Variants in ZBTB7C observed in about 807,000 individuals in gnomAD.
The protein encoded by ZBTB7C is zinc finger and BTB domain-containing protein 7C.
A neutral mutation model predicts 25.7 loss-of-function variants in ZBTB7C; 8 were observed. The observed-to-expected ratio is 0.31, with a 90% CI of 0.18 to 0.56. The LOEUF is 0.56. Among genes scored for constraint, ZBTB7C ranks in the 20% least tolerant of loss-of-function variants. The pLI is 0.91. For synonymous variants in ZBTB7C, 394 were observed against 369.0 expected (o/e 1.07, Z -0.78); for missense variants, 824 against 855.2 (o/e 0.96, Z 0.46).
chr18:48,226,799 T>C (rs2043107191), intron 2 of ZBTB7C, among the ~76,000 whole-genome samples: 3 of 152,190 alleles, frequency 2.0e-5, no homozygotes, highest in South Asian at 4.1e-4. Context: ...GGCAGGCAGA[T>C]CATGAATTCA....
At chr18:48,256,964 G>A (rs2044038928) in intron 2 of ZBTB7C, among the ~76,000 whole-genome samples, 1 of 151,890 alleles carries the variant, frequency 6.6e-6, no homozygotes, top group Non-Finnish European at 1.5e-5. Flanking sequence ...TAAGAGGTGA[G>A]ATGAATAGAA....
intron 3 of ZBTB7C, among the ~76,000 whole-genome samples, chr18:48,069,905 C>T (rs941268477): frequency 1.2e-4 from 18 of 152,096 alleles, no homozygotes; most frequent in Non-Finnish European, 2.1e-4. Flanking sequence ...TCAGGCCTGG[C>T]CCCTGGAGCG....
intron 1 of ZBTB7C, chr18:48,408,478 T>C: frequency 6.6e-6 from 1 of 151,998 alleles, no homozygotes; most frequent in Non-Finnish European, 1.5e-5. Context: ...GGAGGAACTG[T>C]GTGCGTGCGC....
intron 2 of ZBTB7C, among the ~76,000 whole-genome samples, chr18:48,333,191 T>C (rs2046380361): frequency 6.6e-6 from 1 of 152,238 alleles, no homozygotes; most frequent in Non-Finnish European, 1.5e-5. Flanking sequence ...TAAATACTCA[T>C]ATGAAGGTTG....
chr18:48,369,333 A>G (rs978529152), intron 1 of ZBTB7C, among the ~76,000 whole-genome samples: 5 of 152,176 alleles, frequency 3.3e-5, no homozygotes, highest in African/African-American at 1.2e-4. Context: ...TAGAATTCTA[A>G]AAAATGTTTA....
intron 2 of ZBTB7C, among the ~76,000 whole-genome samples, chr18:48,260,258 G>C (rs1598725053): frequency 6.6e-6 from 1 of 152,186 alleles, no homozygotes; most frequent in Admixed American, 6.5e-5. Context: ...CATGCTGTGT[G>C]AGCCTATTTA....
intron 3 of ZBTB7C, among the ~76,000 whole-genome samples, chr18:48,055,520 G>A (rs985055005): frequency 2.6e-5 from 4 of 152,034 alleles, no homozygotes; most frequent in East Asian, 1.9e-4. Flanking sequence ...GCTGTCTGGG[G>A]AGGGAGGGCA....
chr18:48,204,040 T>G (rs1186828961), intron 2 of ZBTB7C, among the ~76,000 whole-genome samples: 1 of 152,222 alleles, frequency 6.6e-6, no homozygotes, highest in East Asian at 1.9e-4. Flanking sequence ...GAAGCTGCTC[T>G]TGCACACCTG....
intron 3 of ZBTB7C, among the ~76,000 whole-genome samples, chr18:48,058,658 T>C (rs978081757): frequency 1.3e-5 from 2 of 152,194 alleles, no homozygotes; most frequent in African/African-American, 4.8e-5. Context: ...GATCCTCACC[T>C]CGTGGTATTC....
chr18:48,068,138 CTT>C (rs1266919637), intron 3 of ZBTB7C, among the ~76,000 whole-genome samples: 20 of 124,940 alleles, frequency 1.6e-4, no homozygotes, highest in Admixed American at 1.6e-4. Context: ...CCTTGTAAGT[CTT>C]TTTTTTTTTT....
intron 3 of ZBTB7C, among the ~76,000 whole-genome samples, chr18:48,144,503 CTGGCTAATTTT>C (rs1273269952): frequency 6.6e-6 from 1 of 151,986 alleles, no homozygotes; most frequent in Non-Finnish European, 1.5e-5. Context: ...ACCACCATGC[CTGGCTAATTTT>C]TGTATTTTTT....
At chr18:48,079,510 C>T (rs759933361) in intron 3 of ZBTB7C, among the ~76,000 whole-genome samples, 13 of 152,212 alleles carry the variant, frequency 8.5e-5, no homozygotes, top group Non-Finnish European at 1.9e-4. Context: ...ACAAACTCAA[C>T]TGCAGTGGGA....
intron 3 of ZBTB7C, among the ~76,000 whole-genome samples, chr18:48,133,379 C>T (rs2040046797): frequency 6.6e-6 from 1 of 152,206 alleles, no homozygotes; most frequent in Non-Finnish European, 1.5e-5. Context: ...AGAGAGCAAG[C>T]ATTTCTATTT....
At position 48,234,155 on chromosome 18, in the gene ZBTB7C, A is replaced by C. The variant is rs570258837; in HGVS notation, c.-78-48160T>G. On this transcript the variant is annotated intron_variant, in intron 2 of 4. Coordinates refer to ENST00000590800, the MANE Select transcript of ZBTB7C (RefSeq NM_001318841.2). ...GACCCTCAAGATCCAGCAAAAAAAA[A>C]AACAACCCTTCTTTCTGAAGTCTTC... is the stretch of plus-strand genomic sequence containing the variant. Among the ~76,000 whole-genome samples the C allele has an allele frequency of 2.0e-5, 3 of 152,230 alleles. No individual in the cohort carries two copies. In the East Asian group the frequency reaches 5.8e-4, roughly 29 times the overall value.
intron 2 of ZBTB7C, among the ~76,000 whole-genome samples, chr18:48,328,541 T>C (rs1393936863): frequency 6.6e-6 from 1 of 152,194 alleles, no homozygotes; most frequent in Non-Finnish European, 1.5e-5. Flanking sequence ...CTGGCCCAAA[T>C]GATGTCCAAA....
chr18:48,030,976 T>C (rs1166665969), intron 4 of ZBTB7C, among the ~76,000 whole-genome samples: 4 of 152,178 alleles, frequency 2.6e-5, no homozygotes, highest in East Asian at 1.9e-4. Context: ...AGTGGGGCCA[T>C]AGGGGCCAGG....
intron 3 of ZBTB7C, among the ~76,000 whole-genome samples, chr18:48,085,051 A>C (rs957046744): frequency 6.6e-6 from 1 of 152,118 alleles, no homozygotes; most frequent in Admixed American, 6.5e-5. Context: ...TTAACATCTT[A>C]TCAGTCAATT....
chr18:48,160,079 C>T (rs2040956193), intron 3 of ZBTB7C, among the ~76,000 whole-genome samples: 1 of 152,184 alleles, frequency 6.6e-6, no homozygotes, highest in Non-Finnish European at 1.5e-5. Context: ...ATGCTCGGAC[C>T]CACCTCCAGA....
In ZBTB7C at chr18:48,209,238, G is replaced by A. The variant is rs1347366009; in HGVS notation, c.-78-23243C>T. 3.3e-5 allele frequency among the ~76,000 whole-genome samples: 5 copies of A among 152,310 alleles called. No homozygotes were observed. In the East Asian group the frequency reaches 7.7e-4, roughly 24 times the overall value. On this transcript the variant is annotated intron_variant, in intron 2 of 4. Transcript: ENST00000590800. ...TCAGGCTCCAAACGGAAATGTGCAG[G>A]TCAAAGGAGTCCAAAGAGGAAGCTG... is the stretch of plus-strand genomic sequence containing the variant.
Sources: gnomAD v4.1 joint callset for allele counts (sites outside exome capture counted in the v4.1 genomes callset) on GRCh38, gnomAD v4.1.1 for gene constraint, MANE v1.5 for transcripts, NCBI Gene and HGNC (gene_info 2026-07-23, HGNC 2026-07-21) for gene names.